Variants in VRK1 observed in about 807,000 individuals in gnomAD.
VRK1 encodes VRK serine/threonine kinase 1.
VRK1 carries 33 observed loss-of-function variants against 57.1 expected under a neutral mutation model. The ratio of observed to expected loss-of-function variants is 0.58; its 90% confidence interval spans 0.44 to 0.77. The LOEUF is 0.77. VRK1 is among the 30% of genes least tolerant of loss of function. The probability of loss-of-function intolerance (pLI) is 0.00; values close to 1 mark genes in which losing one functional copy is unlikely to be tolerated. For synonymous variants in VRK1, 137 were observed against 147.8 expected, an observed-to-expected ratio of 0.93 and a Z score of 0.53; for missense variants, 413 against 477.3, an observed-to-expected ratio of 0.87 and a Z score of 1.25.
At chr14:96,813,250 G>T (rs1247690190) in intron 1 of VRK1, among the ~76,000 whole-genome samples, 1 of 152,182 alleles carries the variant, frequency 6.6e-6, no homozygotes, top group Non-Finnish European at 1.5e-5. Context: ...TGCTGACTGG[G>T]ATTTTCACCT....
intron 12 of VRK1, among the ~76,000 whole-genome samples, chr14:96,880,641 A>G (rs898466067): frequency 5.3e-5 from 8 of 152,288 alleles, no homozygotes; most frequent in Admixed American, 4.6e-4. Context: ...CCAGGAGGCT[A>G]CTCATTTGGG....
chr14:96,841,616 G>A (rs1887464822), intron 3 of VRK1, among the ~76,000 whole-genome samples: 1 of 152,162 alleles, frequency 6.6e-6, no homozygotes, highest in Non-Finnish European at 1.5e-5. Flanking sequence ...CCAACACTTC[G>A]AGAGGCTGAG....
At chr14:96,841,473 G>C (rs1887458229) in intron 3 of VRK1, among the ~76,000 whole-genome samples, 1 of 152,086 alleles carries the variant, frequency 6.6e-6, no homozygotes, top group Non-Finnish European at 1.5e-5. Flanking sequence ...TTGTAATTAG[G>C]ACAGTGATAC....
intron 1 of VRK1, among the ~76,000 whole-genome samples, chr14:96,823,638 CAT>C (rs1165252088): frequency 9.9e-5 from 15 of 152,140 alleles, no homozygotes; most frequent in Admixed American, 7.9e-4. Flanking sequence ...TGATAAGAAA[CAT>C]AGAAGATTTC....
chr14:96,877,636 C>A (rs1297196919), intron 12 of VRK1: 1 of 1,285,544 alleles, frequency 7.8e-7, no homozygotes, highest in African/African-American at 1.5e-5. Context: ...AAAAACAATC[C>A]CTTAAATTTT....
chr14:96,870,190 G>T (rs1369594351), intron 11 of VRK1, among the ~76,000 whole-genome samples: 1 of 152,090 alleles, frequency 6.6e-6, no homozygotes, highest in Non-Finnish European at 1.5e-5. Context: ...CAGCATGCCT[G>T]TGAAATATAT....
chr14:96,858,160 C>T (rs1325494571), intron 10 of VRK1, among the ~76,000 whole-genome samples: 2 of 152,094 alleles, frequency 1.3e-5, no homozygotes, highest in African/African-American at 4.8e-5. Context: ...GCCTTGACCT[C>T]CTGAGCTCAA....
intron 2 of VRK1, among the ~76,000 whole-genome samples, chr14:96,836,244 T>G (rs1887206736): frequency 6.6e-6 from 1 of 152,188 alleles, no homozygotes; most frequent in African/African-American, 2.4e-5. Context: ...TCTTAACTGA[T>G]CTGCCTGCTT....
chr14:96,820,279 T>C (rs1886549945), intron 1 of VRK1, among the ~76,000 whole-genome samples: 1 of 152,154 alleles, frequency 6.6e-6, no homozygotes, highest in Admixed American at 6.5e-5. Context: ...CTTATAGAGC[T>C]TTTTCACCTT....
intron 1 of VRK1, among the ~76,000 whole-genome samples, chr14:96,829,985 G>A (rs998139251): frequency 6.6e-6 from 1 of 151,984 alleles, no homozygotes; most frequent in East Asian, 1.9e-4. Flanking sequence ...CTTTATACTC[G>A]AAATTTAGCT....
intron 3 of VRK1, among the ~76,000 whole-genome samples, chr14:96,843,269 A>G (rs1443216725): frequency 6.6e-6 from 1 of 152,198 alleles, no homozygotes; most frequent in African/African-American, 2.4e-5. Flanking sequence ...TAGTTCTTTG[A>G]ATTGCACTTA....
chr14:96,798,578 C>T (rs1021251522), intron 1 of VRK1, among the ~76,000 whole-genome samples: 6 of 151,068 alleles, frequency 4.0e-5, no homozygotes, highest in Non-Finnish European at 8.9e-5. Flanking sequence ...TTTTCTTCTT[C>T]TTTTTTTTTA....
chr14:96,865,809 G>T (rs1888565037), intron 11 of VRK1, among the ~76,000 whole-genome samples: 1 of 148,194 alleles, frequency 6.7e-6, no homozygotes, highest in Non-Finnish European at 1.5e-5. Flanking sequence ...TTTCCTTTAT[G>T]TCATCTGATT....
chr14:96,803,423 T>A (rs1056628623), intron 1 of VRK1, among the ~76,000 whole-genome samples: 30 of 152,218 alleles, frequency 2.0e-4, no homozygotes, highest in African/African-American at 7.0e-4. Context: ...CGCCTGCCTC[T>A]GCCTCCCAAA....
At chr14:96,835,318 A>G (rs777957556) in intron 2 of VRK1, among the ~76,000 whole-genome samples, 3 of 152,182 alleles carry the variant, frequency 2.0e-5, no homozygotes, top group African/African-American at 7.2e-5. Flanking sequence ...TCTCATAACA[A>G]TTGCTTCCAT....
chr14:96,848,192 C>T (rs993677000), intron 5 of VRK1, among the ~76,000 whole-genome samples: 2 of 152,116 alleles, frequency 1.3e-5, no homozygotes, highest in Non-Finnish European at 2.9e-5. Context: ...TGTTAGTTCT[C>T]CATTGTGTGG....
At chr14:96,847,729 ATT>A (rs1263519438) in intron 5 of VRK1, among the ~76,000 whole-genome samples, 3 of 152,212 alleles carry the variant, frequency 2.0e-5, no homozygotes, top group Non-Finnish European at 4.4e-5. Flanking sequence ...TCCATTTGGT[ATT>A]TCTGCCCACA....
At chr14:96,826,673 G>A (rs17094499) in intron 1 of VRK1, among the ~76,000 whole-genome samples, 2,119 of 152,218 alleles carry the variant, frequency 0.014, 55 homozygotes, top group African/African-American at 0.048. Flanking sequence ...TGCAAGCATC[G>A]GTTTCATTAT....
At chr14:96,852,698 T>G (rs1887997853) in intron 5 of VRK1, 133 bp from the exon 6 acceptor site, 1 of 729,276 alleles carries the variant, frequency 1.4e-6, no homozygotes, top group Admixed American at 2.1e-5. Context: ...TTGTTTCAAA[T>G]GTTTGTATTT....
Sources: gnomAD v4.1 joint callset for allele counts (sites outside exome capture counted in the v4.1 genomes callset) on GRCh38, gnomAD v4.1.1 for gene constraint, MANE v1.5 for transcripts, NCBI Gene and HGNC (gene_info 2026-07-23, HGNC 2026-07-21) for gene names.